The following COL13A1 variants were observed in gnomAD, a reference collection of about 807,000 sequenced individuals.
The protein encoded by COL13A1 is collagen type XIII alpha 1 chain, also known as collagen alpha-1(XIII) chain.
Under a neutral mutation model 130.9 loss-of-function variants are expected in COL13A1, and 89 were observed. The ratio of observed to expected loss-of-function variants is 0.68; its 90% CI spans 0.57 to 0.81. The LOEUF (loss-of-function observed/expected upper bound fraction) is 0.81. COL13A1 is among the 30% of genes least tolerant of loss of function. The pLI, the probability that COL13A1 is intolerant of heterozygous loss-of-function variation, is 0.00. For synonymous variants in COL13A1, 402 were observed against 341.6 expected (o/e 1.18, Z -1.95); for missense variants, 879 against 934.6 (o/e 0.94, Z 0.78).
chr10:69,857,082 C>T (rs988222747), intron 2 of COL13A1, among the ~76,000 whole-genome samples: 3 of 152,166 alleles, frequency 2.0e-5, no homozygotes, highest in African/African-American at 7.2e-5. Context: ...GGAAACTGTT[C>T]AGCCTGAGAA....
At chr10:69,933,219 G>C (rs1415365578) in intron 31 of COL13A1, among the ~76,000 whole-genome samples, 1 of 149,970 alleles carries the variant, frequency 6.7e-6, no homozygotes, top group African/African-American at 2.4e-5. Context: ...ACTAGCATGG[G>C]AGCAACTCAG....
At chr10:69,833,987 T>A (rs1849431654) in intron 2 of COL13A1, among the ~76,000 whole-genome samples, 1 of 152,106 alleles carries the variant, frequency 6.6e-6, no homozygotes, top group Non-Finnish European at 1.5e-5. Context: ...CAGCTGTGTA[T>A]AGCTCAGTGT....
chr10:69,898,547 C>T (rs998034368), intron 13 of COL13A1, 150 bp from the exon 14 acceptor site: 5 of 610,894 alleles, frequency 8.2e-6, no homozygotes, highest in Non-Finnish European at 1.4e-5. Context: ...TTCCCTCCCA[C>T]TCCTCATGTG....
chr10:69,913,962 T>TCAGCCACCCTAACAAGGAGGG (rs2135437353), intron 17 of COL13A1, among the ~76,000 whole-genome samples: 1 of 152,178 alleles, frequency 6.6e-6, no homozygotes, highest in South Asian at 2.1e-4. Flanking sequence ...GGGGCGAAGG[T>TCAGCCACCCTAACAAGGAGGG]CAGCCACCCT....
At chr10:69,891,815 T>A (rs1257235997) in intron 10 of COL13A1, among the ~76,000 whole-genome samples, 1 of 152,102 alleles carries the variant, frequency 6.6e-6, no homozygotes, top group African/African-American at 2.4e-5. Flanking sequence ...CAGCTTATCA[T>A]CCCCACTTCA....
In COL13A1 at chr10:69,895,585, A is replaced by T; in HGVS notation, c.684+9A>T. ...GAGAGTACCCACACCGGGTAAGTGA[A>T]CCCCTAAAATTTAGCAGGGCACTTT... On this transcript the variant is annotated intron_variant, in intron 13 of 40. Coordinates refer to ENST00000645393, the MANE Select transcript of COL13A1 (RefSeq NM_001368882.1). 2.5e-6 allele frequency: 4 copies of T among 1,613,758 alleles called. No homozygotes were observed. Among genetic ancestry groups the T allele is most frequent in the Non-Finnish European group, 3.4e-6 (4 of 1,179,812 alleles).
chr10:69,926,054 G>T, intron 26 of COL13A1, 182 bp downstream of exon 26: 1 of 573,922 alleles, frequency 1.7e-6, no homozygotes, highest in Non-Finnish European at 3.1e-6. Context: ...GTAGCCTCCT[G>T]GGAAATGGCC....
intron 4 of COL13A1, among the ~76,000 whole-genome samples, chr10:69,873,709 G>A (rs1287866750): frequency 2.0e-5 from 3 of 152,246 alleles, no homozygotes; most frequent in African/African-American, 7.2e-5. Flanking sequence ...CACCCGCCCT[G>A]GCCTGGGGTC....
intron 36 of COL13A1, among the ~76,000 whole-genome samples, chr10:69,945,283 C>A (rs2068325137): frequency 1.3e-5 from 2 of 152,226 alleles, no homozygotes; most frequent in African/African-American, 4.8e-5. Flanking sequence ...TTGGGGAAAC[C>A]AGGAGGCTGC....
intron 2 of COL13A1, among the ~76,000 whole-genome samples, chr10:69,835,789 G>A (rs1849893929): frequency 6.6e-6 from 1 of 152,246 alleles, no homozygotes; most frequent in Non-Finnish European, 1.5e-5. Flanking sequence ...CTTGTCCAGG[G>A]AGCATGGAGT....
chr10:69,869,950 C>G (rs749588590), intron 3 of COL13A1, among the ~76,000 whole-genome samples: 1 of 152,202 alleles, frequency 6.6e-6, no homozygotes, highest in Admixed American at 6.5e-5. Flanking sequence ...GTGTGTTAGA[C>G]ACTGTTATGT....
chr10:69,867,026 C>T (rs1037818137), intron 2 of COL13A1, among the ~76,000 whole-genome samples: 8 of 152,194 alleles, frequency 5.3e-5, no homozygotes, highest in African/African-American at 1.7e-4. Flanking sequence ...TCTAAACCTT[C>T]CCTCCCGCTC....
chr10:69,816,767 G>A (rs1844638094), intron 1 of COL13A1, among the ~76,000 whole-genome samples: 1 of 152,144 alleles, frequency 6.6e-6, no homozygotes, highest in Non-Finnish European at 1.5e-5. Flanking sequence ...GAGGAAGCAT[G>A]AGGACTGCCC....
intron 6 of COL13A1, among the ~76,000 whole-genome samples, chr10:69,879,822 C>T (rs2059952281): frequency 6.6e-6 from 1 of 152,212 alleles, no homozygotes; most frequent in Admixed American, 6.5e-5. Context: ...GCCTTCCTCT[C>T]AGAGCTGACA....
intron 17 of COL13A1, among the ~76,000 whole-genome samples, chr10:69,914,153 A>C (rs1401042174): frequency 6.6e-6 from 1 of 152,282 alleles, no homozygotes; most frequent in African/African-American, 2.4e-5. Context: ...AGAAGCCCAG[A>C]GACAAGCTTG....
chr10:69,808,740 T>G (rs1360503044), intron 1 of COL13A1, among the ~76,000 whole-genome samples: 1 of 152,208 alleles, frequency 6.6e-6, no homozygotes, highest in African/African-American at 2.4e-5. Flanking sequence ...AGCCCAGGAC[T>G]TTGCACATAA....
intron 21 of COL13A1, 99 bp from the exon 22 acceptor site, chr10:69,921,783 A>C: frequency 6.8e-7 from 1 of 1,479,930 alleles, no homozygotes; most frequent in South Asian, 1.2e-5. Context: ...CCGAGGCAGG[A>C]GCAAGGGAAG....
chr10:69,895,131 G>A (rs1177806110), intron 12 of COL13A1, among the ~76,000 whole-genome samples: 1 of 152,242 alleles, frequency 6.6e-6, no homozygotes, highest in Non-Finnish European at 1.5e-5. Flanking sequence ...CGCTGGTACA[G>A]GGGCCTGGCG....
At chr10:69,918,853 G>A (rs1253711259) in intron 19 of COL13A1, among the ~76,000 whole-genome samples, 1 of 152,168 alleles carries the variant, frequency 6.6e-6, no homozygotes, top group Non-Finnish European at 1.5e-5. Flanking sequence ...CCCCTCACCT[G>A]GGGAAGAATA....
Sources: allele counts gnomAD v4.1 joint callset (sites outside exome capture counted in the v4.1 genomes callset), GRCh38; gene constraint gnomAD v4.1.1; transcripts MANE v1.5; gene names NCBI Gene and HGNC (gene_info 2026-07-23, HGNC 2026-07-21).